Variants in PBX1 observed in about 807,000 individuals in gnomAD.
PBX1 encodes pre-B-cell leukemia transcription factor 1.
PBX1 carries 6 observed loss-of-function variants against 53.4 expected under a neutral mutation model. The observed-to-expected ratio is 0.11, with a 90% confidence interval of 0.06 to 0.22. The LOEUF is 0.22. Among genes scored for constraint, PBX1 ranks in the 10% least tolerant of loss-of-function variants. The probability of loss-of-function intolerance (pLI) is 1.00; values close to 1 mark genes in which losing one functional copy is unlikely to be tolerated. For missense variants in PBX1, 251 were observed against 551.4 expected (o/e 0.46, Z 5.46); for synonymous variants, 204 against 212.3 (o/e 0.96, Z 0.34).
Position 164,849,468 on chromosome 1 carries a change from G to T in PBX1, c.*2792G>T. On this transcript the variant is annotated 3_prime_UTR_variant, in exon 9 of 9. Transcript: ENST00000420696. ...AGCAGGATGGGTTTGGAAAGAGCAT[G>T]CCTCTGGAAACACAGCTTCCTGGGA... 1 of 1,533,500 alleles carries T rather than the reference G, an allele frequency of 6.5e-7. No homozygotes were observed. The highest frequency in any genetic ancestry group is 8.7e-7 in the Non-Finnish European group (1 of 1,145,270). 95.0% of individuals were successfully genotyped at this position (1,533,500 alleles called of 1,614,324 possible).
chr1:164,625,183 T>C (rs1344000313), intron 2 of PBX1, among the ~76,000 whole-genome samples: 1 of 152,202 alleles, frequency 6.6e-6, no homozygotes, highest in African/African-American at 2.4e-5. Context: ...AGAGGGAGGC[T>C]TGCAGTATCA....
chr1:164,771,665 GGACAAACTATTTTTTAT>G (rs1410609654), intron 2 of PBX1: 1 of 151,684 alleles, frequency 6.6e-6, no homozygotes, highest in African/African-American at 2.4e-5. Flanking sequence ...AGCCACACTG[GGACAAACTATTTTTTAT>G]TTTGGGTAAT....
In PBX1 at chr1:164,758,700, C is replaced by CT. The variant is rs112745235; in HGVS notation, c.266-33781dup. On this transcript the variant is annotated intron_variant, in intron 2 of 8. Transcript: ENST00000420696. ...CCTTCAAAGTATGAGAGTTAGATCACTTTTTTTTTTTTTCCTCATGCTCCT... is the reference window on the plus strand; with the variant it reads ...CCTTCAAAGTATGAGAGTTAGATCACTTTTTTTTTTTTTTCCTCATGCTCCT... 4.0e-3 allele frequency among the ~76,000 whole-genome samples: 589 copies of CT among 146,228 alleles called. 6 individuals are homozygous for CT. Among genetic ancestry groups the CT allele is most frequent in the South Asian group, 0.019 (89 of 4,598 alleles).
Position 164,850,096 on chromosome 1 carries a change from T to G in PBX1, c.*3420T>G, listed in dbSNP as rs1671757520. 1 of 227,772 alleles carries G rather than the reference T, an allele frequency of 4.4e-6. No homozygotes were observed. Among genetic ancestry groups the G allele is most frequent in the South Asian group, 1.8e-4 (1 of 5,464 alleles). The allele number at this position is 227,772 out of a possible 1,614,324, so 14.1% of individuals were successfully genotyped here. A position where few individuals can be genotyped will look rare whatever the true frequency, so the allele number is the denominator to read the frequency against. On this transcript the variant is annotated 3_prime_UTR_variant, in exon 9 of 9. Transcript: ENST00000420696. ...TTTAATAGTGTTTATAATAAAAATT[T>G]TAAAAATGACCCTCATAGCACGCAA...
chr1:164,620,544 G>T (rs1227551742), intron 2 of PBX1, among the ~76,000 whole-genome samples: 2 of 152,098 alleles, frequency 1.3e-5, no homozygotes, highest in African/African-American at 4.8e-5. Flanking sequence ...ATGAAATAGG[G>T]ACTTGTCTAT....
chr1:164,859,320 A>C (rs1322294184), intron 2 of PBX1, among the ~76,000 whole-genome samples: 24 of 152,158 alleles, frequency 1.6e-4, no homozygotes. Flanking sequence ...GAATTCCTGC[A>C]TAGCCATATG....
intron 2 of PBX1, among the ~76,000 whole-genome samples, chr1:164,742,683 A>T (rs1249146458): frequency 6.6e-6 from 1 of 152,208 alleles, no homozygotes; most frequent in African/African-American, 2.4e-5. Context: ...TTGCTATATA[A>T]AAACAGTCCA....
rs77840877 is a variant in PBX1, at chr1:164,721,803, C to T, written c.266-70691C>T. Reference sequence around the variant, plus strand: ...AGGATTAGCAGGGTGCCTATTTTCACTTACAGTGCTTCATTCCTGTGTTCA... The same window carrying T: ...AGGATTAGCAGGGTGCCTATTTTCATTTACAGTGCTTCATTCCTGTGTTCA... On this transcript the variant is annotated intron_variant, in intron 2 of 8. Transcript: ENST00000420696. Among the ~76,000 whole-genome samples, 1,040 of 152,272 alleles carry T rather than the reference C, an allele frequency of 6.8e-3. 14 individuals are homozygous for T. Among genetic ancestry groups the T allele is most frequent in the African/African-American group, 0.024 (993 of 41,542 alleles).
intron 2 of PBX1, among the ~76,000 whole-genome samples, chr1:164,579,445 T>C (rs1303686681): frequency 1.3e-5 from 2 of 152,182 alleles, no homozygotes; most frequent in Non-Finnish European, 1.5e-5. Flanking sequence ...AGGTTTGTGA[T>C]ATTCCGTGTG....
chr1:164,561,063 C>G (rs1244923973), intron 1 of PBX1, among the ~76,000 whole-genome samples: 2 of 152,278 alleles, frequency 1.3e-5, no homozygotes, highest in Non-Finnish European at 2.9e-5. Flanking sequence ...ACAGCTTGCC[C>G]AAGGCCGAAC....
Position 164,776,942 on chromosome 1 carries a change from G to GGAGAGAGAGA in PBX1, c.266-15524_266-15515dup, listed in dbSNP as rs377054240. 4.1e-3 allele frequency among the ~76,000 whole-genome samples: 179 copies of GGAGAGAGAGA among 43,558 alleles called. 18 individuals are homozygous for GGAGAGAGAGA. Among genetic ancestry groups the GGAGAGAGAGA allele is most frequent in the Middle Eastern group, 0.011 (1 of 92 alleles). 28.6% of individuals were successfully genotyped at this position (43,558 alleles called of 152,430 possible). Reference sequence around the variant, plus strand: ...GTGTGTGTGTGTGTGTGTGGTGGGAGGAGAGAGAGAGAGAGAGAGAGAGAG... The same window carrying GGAGAGAGAGA: ...GTGTGTGTGTGTGTGTGTGGTGGGAGGAGAGAGAGAGAGAGAGAGAGAGAGAGAGAGAGAG... On this transcript the variant is annotated intron_variant, in intron 2 of 8. Coordinates refer to ENST00000420696, the MANE Select transcript of PBX1 (RefSeq NM_002585.4).
At chr1:164,583,389 G>A (rs560072550) in intron 2 of PBX1, among the ~76,000 whole-genome samples, 5 of 152,156 alleles carry the variant, frequency 3.3e-5, no homozygotes, top group Admixed American at 2.0e-4. Flanking sequence ...AGGGAAGAGG[G>A]TTCCATTCCT....
chr1:164,642,426 T>A (rs2101902846), intron 2 of PBX1, among the ~76,000 whole-genome samples: 1 of 152,308 alleles, frequency 6.6e-6, no homozygotes, highest in East Asian at 1.9e-4. Flanking sequence ...AAGGCATCTC[T>A]CCATTTTCAT....
intron 2 of PBX1, 79 bp downstream of exon 2, chr1:164,563,390 T>A: frequency 1.1e-6 from 1 of 898,706 alleles, no homozygotes; most frequent in Non-Finnish European, 1.8e-6. Context: ...ATCTATTATT[T>A]AAATATTAAA....
At chr1:164,859,260 A>G (rs1475333795) in intron 2 of PBX1, among the ~76,000 whole-genome samples, 2 of 152,182 alleles carry the variant, frequency 1.3e-5, no homozygotes, top group African/African-American at 4.8e-5. Flanking sequence ...GGCCTGGATC[A>G]TTCTCCAGGT....
chr1:164,840,859 A>G (rs1671254228), intron 8 of PBX1, among the ~76,000 whole-genome samples: 1 of 152,112 alleles, frequency 6.6e-6, no homozygotes, highest in Admixed American at 6.5e-5. Context: ...AGCTATTTAC[A>G]TATAGTTGGA....
chr1:164,823,620 G>T (rs748061643), intron 8 of PBX1, among the ~76,000 whole-genome samples: 20 of 95,852 alleles, frequency 2.1e-4, no homozygotes, highest in African/African-American at 7.9e-4. Context: ...TGGGGGGTGG[G>T]GGGGGGGGTC....
chr1:164,738,047 T>C (rs1240989100), intron 2 of PBX1, among the ~76,000 whole-genome samples: 1 of 152,166 alleles, frequency 6.6e-6, no homozygotes, highest in Non-Finnish European at 1.5e-5. Flanking sequence ...AATCTAAAAA[T>C]AATGCTTTGA....
At chr1:164,878,207 G>GT (rs1183813711) in intron 2 of PBX1, among the ~76,000 whole-genome samples, 1 of 152,062 alleles carries the variant, frequency 6.6e-6, no homozygotes, top group Non-Finnish European at 1.5e-5. Flanking sequence ...GTCTGAGGCT[G>GT]TTTTTTTCCT....
Sources: allele counts gnomAD v4.1 joint callset (sites outside exome capture counted in the v4.1 genomes callset), GRCh38; gene constraint gnomAD v4.1.1; transcripts MANE v1.5; gene names NCBI Gene and HGNC (gene_info 2026-07-23, HGNC 2026-07-21).